KIF5C: variants seen among roughly 807,000 people sequenced by gnomAD.
KIF5C encodes kinesin family member 5C, also known as kinesin heavy chain isoform 5C.
Under a neutral mutation model 125.2 loss-of-function variants are expected in KIF5C, and 18 were observed. The ratio of observed to expected loss-of-function variants is 0.14; its 90% confidence interval spans 0.10 to 0.21. The LOEUF (loss-of-function observed/expected upper bound fraction) is 0.21. Among genes scored for constraint, KIF5C ranks in the 10% least tolerant of loss-of-function variants. KIF5C has a pLI of 1.00. For missense variants in KIF5C, 780 were observed against 1,183.8 expected (o/e 0.66, Z 5.01); for synonymous variants, 405 against 434.0 (o/e 0.93, Z 0.83).
chr2:148,909,301 C>T (rs1031160514), intron 1 of KIF5C, among the ~76,000 whole-genome samples: 2 of 152,204 alleles, frequency 1.3e-5, no homozygotes, highest in African/African-American at 2.4e-5. Flanking sequence ...AGTGCCCTGC[C>T]GCTGCTCTTC....
In KIF5C at chr2:148,875,594, G is replaced by GCCCCC; in HGVS notation, c.-23_-19dup. 3 of 550,748 alleles carry GCCCCC rather than the reference G, an allele frequency of 5.4e-6. No homozygotes were observed. Among genetic ancestry groups the GCCCCC allele is most frequent in the Non-Finnish European group, 9.8e-6 (3 of 307,512 alleles). The allele number at this position is 550,748 out of a possible 1,614,324, so 34.1% of individuals were successfully genotyped here. On this transcript the variant is annotated 5_prime_UTR_variant, in exon 1 of 26. Transcript: ENST00000435030. Reference sequence around the variant, plus strand: ...GCCCCGGCCCCCCACCCATCCCCGTGCCCCCTCCCTACCGCCGGCCGAGAT... The same window carrying GCCCCC: ...GCCCCGGCCCCCCACCCATCCCCGTGCCCCCCCCCCTCCCTACCGCCGGCCGAGAT...
At chr2:148,912,600 C>T (rs1445457834) in intron 1 of KIF5C, among the ~76,000 whole-genome samples, 2 of 152,160 alleles carry the variant, frequency 1.3e-5, no homozygotes, top group Non-Finnish European at 2.9e-5. Context: ...TGTGCACCAC[C>T]ACAACTGGCT....
At chr2:148,941,201 T>C (rs1682399688) in intron 4 of KIF5C, among the ~76,000 whole-genome samples, 1 of 152,192 alleles carries the variant, frequency 6.6e-6, no homozygotes, top group Non-Finnish European at 1.5e-5. Flanking sequence ...TGCCCTCTCC[T>C]GGCTTCTTGC....
chr2:148,956,604 CA>C (rs1021831382), intron 10 of KIF5C, among the ~76,000 whole-genome samples: 3 of 151,974 alleles, frequency 2.0e-5, no homozygotes, highest in African/African-American at 7.3e-5. Context: ...TGAAGCAAGC[CA>C]AAACAAGGAA....
At chr2:148,940,344 C>T (rs79803975) in intron 4 of KIF5C, among the ~76,000 whole-genome samples, 2 of 152,144 alleles carry the variant, frequency 1.3e-5, no homozygotes, top group Non-Finnish European at 2.9e-5. Context: ...GGAAGTCTGA[C>T]AGGTGTTCAA....
chr2:148,901,162 C>CA (rs1680887872), intron 1 of KIF5C, among the ~76,000 whole-genome samples: 1 of 152,140 alleles, frequency 6.6e-6, no homozygotes, highest in Non-Finnish European at 1.5e-5. Flanking sequence ...CACATCTATA[C>CA]ATCATTGTAT....
intron 12 of KIF5C, among the ~76,000 whole-genome samples, chr2:148,978,122 G>A (rs182183402): frequency 4.6e-5 from 7 of 152,252 alleles, no homozygotes; most frequent in African/African-American, 1.7e-4. Flanking sequence ...TGTTTTTTAT[G>A]TAGTTAGGCA....
chr2:148,896,623 A>G lies in KIF5C; in HGVS notation c.126+20880A>G, dbSNP rs75534148. On this transcript the variant is annotated intron_variant, in intron 1 of 25. Coordinates refer to ENST00000435030, the MANE Select transcript of KIF5C (RefSeq NM_004522.3). ...AGAATGAAAGGGAGGTAATTCTCTT[A>G]GCATCATTATGCCTTGCTGGAACTG... Among the ~76,000 whole-genome samples, 428 of 152,322 alleles carry G rather than the reference A, an allele frequency of 2.8e-3. 1 individual carries two copies. The highest frequency in any genetic ancestry group is 9.8e-3 in the African/African-American group (406 of 41,586).
In KIF5C at chr2:149,008,006, A is replaced by G. The variant is rs749702598; in HGVS notation, c.2489A>G (p.Gln830Arg). The G allele has an allele frequency of 6.2e-7, 1 of 1,612,308 alleles. No individual in the cohort carries two copies. Among genetic ancestry groups the G allele is most frequent in the East Asian group, 2.2e-5 (1 of 44,872 alleles). Residue 830 changes from glutamine to arginine, a missense_variant, in exon 23 of 26, where the codon CAG becomes CGG. Physicochemically the swap from Gln to Arg is conservative, Grantham distance 43. Around this residue, in one of 2 missense-constraint regions of KIF5C, gnomAD observed 573 missense variants for 742.6 expected, o/e 0.77. Coordinates refer to ENST00000435030, the MANE Select transcript of KIF5C (RefSeq NM_004522.3). The part of the protein sequence containing the change: ...DNDDGGGSAA[Q>R]KQKISFLENN... The stretch of plus-strand genomic sequence containing the variant: ...GATGATGGAGGGGGCAGTGCTGCCC[A>G]GAAGCAGAAAATTTCCTTCTTGGAG...
intron 1 of KIF5C, among the ~76,000 whole-genome samples, chr2:148,904,435 A>G (rs576494867): frequency 6.6e-6 from 1 of 152,356 alleles, no homozygotes; most frequent in East Asian, 1.9e-4. Context: ...AAGATTGAAC[A>G]GCACATATAT....
intron 1 of KIF5C, among the ~76,000 whole-genome samples, chr2:148,895,879 C>G (rs112214389): frequency 0.021 from 2,951 of 141,202 alleles, 82 homozygotes; most frequent in African/African-American, 0.067. Context: ...CACACACCCA[C>G]AGAGATCTGG....
intron 10 of KIF5C, among the ~76,000 whole-genome samples, chr2:148,957,592 T>TAAAA (rs201033625): frequency 9.8e-5 from 7 of 71,782 alleles, no homozygotes; most frequent in East Asian, 4.9e-4. Flanking sequence ...TTTGTTCTAG[T>TAAAA]AAAAAAAAAA....
intron 1 of KIF5C, among the ~76,000 whole-genome samples, chr2:148,881,658 C>G (rs991641702): frequency 9.2e-5 from 14 of 152,078 alleles, no homozygotes; most frequent in African/African-American, 3.4e-4. Flanking sequence ...ATTCTCAGCT[C>G]TTCTTCCCAT....
intron 17 of KIF5C, among the ~76,000 whole-genome samples, chr2:148,995,472 A>C (rs1408546145): frequency 6.6e-6 from 1 of 152,270 alleles, no homozygotes; most frequent in Non-Finnish European, 1.5e-5. Flanking sequence ...ATATAAGCAG[A>C]AATTCAAGAG....
chr2:148,992,064 A>G (rs1487671764), intron 16 of KIF5C, among the ~76,000 whole-genome samples: 1 of 152,222 alleles, frequency 6.6e-6, no homozygotes, highest in African/African-American at 2.4e-5. Flanking sequence ...GGAAACAGAT[A>G]CCAACATGGA....
Position 148,875,569 on chromosome 2 carries a change from G to GCCCCCGGGCCCCCCCCCCCC in KIF5C, c.-45_-44insCGGGCCCCCCCCCCCCCCCC. ...GCGGCCTCCTCCCTCGTCGTTCCCGGCCCCGGCCCCCCACCCATCCCCGTG... is the reference window on the plus strand; with the variant it reads ...GCGGCCTCCTCCCTCGTCGTTCCCGGCCCCCGGGCCCCCCCCCCCCCCCCGGCCCCCCACCCATCCCCGTG... On this transcript the variant is annotated 5_prime_UTR_variant, in exon 1 of 26. Transcript: ENST00000435030. 5.8e-6 allele frequency: 4 copies of GCCCCCGGGCCCCCCCCCCCC among 689,864 alleles called. No individual in the cohort carries two copies. The highest frequency in any genetic ancestry group is 1.1e-5 in the Non-Finnish European group (4 of 380,190). 42.7% of individuals were successfully genotyped at this position (689,864 alleles called of 1,614,324 possible).
At chr2:148,937,233 T>C in intron 3 of KIF5C, 51 bp from the exon 4 acceptor site, 1 of 1,547,798 alleles carries the variant, frequency 6.5e-7, no homozygotes, top group Non-Finnish European at 8.7e-7. Context: ...CTCTCTCTCA[T>C]GTGTCTCCCA....
chr2:148,875,575 G>GCCCCCCCCCCCCCCCCCGCCCC lies in KIF5C; in HGVS notation c.-37_-36insCCCCCCCCCCCGCCCCCCCCCC. The GCCCCCCCCCCCCCCCCCGCCCC allele has an allele frequency of 1.4e-6, 1 of 699,606 alleles. No individual in the cohort carries two copies. The highest frequency in any genetic ancestry group is 2.6e-6 in the Non-Finnish European group (1 of 389,230). 43.3% of individuals were successfully genotyped at this position (699,606 alleles called of 1,614,324 possible). ...TCCTCCCTCGTCGTTCCCGGCCCCG[G>GCCCCCCCCCCCCCCCCCGCCCC]CCCCCCACCCATCCCCGTGCCCCCT... On this transcript the variant is annotated 5_prime_UTR_variant, in exon 1 of 26. Transcript: ENST00000435030.
rs987825713 is a variant in KIF5C at position 148,924,439 on chromosome 2, T to C, written c.217+2212T>C. Among the ~76,000 whole-genome samples the C allele has an allele frequency of 5.9e-5, 9 of 152,188 alleles. No homozygotes were observed. Among genetic ancestry groups the C allele is most frequent in the African/African-American group, 1.7e-4 (7 of 41,446 alleles). ...ATCTGGGAGGCTCCATTTAACTCGA[T>C]GGCTTTATTCTCTCTCTGGTTTTTC... On this transcript the variant is annotated intron_variant, in intron 2 of 25. Transcript: ENST00000435030. The surrounding 1 kb of genome is among the most constrained non-coding windows in gnomAD (Gnocchi z 4.0).
Sources: allele counts gnomAD v4.1 joint callset (sites outside exome capture counted in the v4.1 genomes callset), GRCh38; gene constraint gnomAD v4.1.1; regional missense constraint gnomAD v4.1.1; non-coding constraint Gnocchi (gnomAD v3.1); transcripts MANE v1.5; gene names NCBI Gene and HGNC (gene_info 2026-07-23, HGNC 2026-07-21).